The following AK5 variants were observed in gnomAD, a reference collection of about 807,000 sequenced individuals.
AK5 encodes the protein adenylate kinase isoenzyme 5.
A neutral mutation model predicts 69.5 loss-of-function variants in AK5; 27 were observed. That is an observed-to-expected ratio of 0.39 (90% confidence interval 0.29 to 0.54). The LOEUF is 0.54. Among genes scored for constraint, AK5 ranks in the 20% least tolerant of loss-of-function variants. AK5 has a pLI of 0.71. For synonymous variants in AK5, 260 were observed against 244.4 expected (o/e 1.06, Z -0.60); for missense variants, 531 against 700.4 (o/e 0.76, Z 2.73).
intron 8 of AK5, among the ~76,000 whole-genome samples, chr1:77,431,495 T>C (rs187832816): frequency 2.6e-5 from 4 of 152,222 alleles, no homozygotes; most frequent in African/African-American, 9.6e-5. Context: ...GAGCAAAGCA[T>C]TGGCAGAGTA....
chr1:77,504,053 A>G (rs1656883771), intron 10 of AK5, among the ~76,000 whole-genome samples: 1 of 152,210 alleles, frequency 6.6e-6, no homozygotes, highest in African/African-American at 2.4e-5. Flanking sequence ...TCATCCAATT[A>G]AAAACATGCA....
chr1:77,528,739 T>C (rs1658418610), intron 12 of AK5, among the ~76,000 whole-genome samples: 1 of 152,196 alleles, frequency 6.6e-6, no homozygotes, highest in African/African-American at 2.4e-5. Context: ...GCAGAAGGAA[T>C]ATGAGGGAGG....
chr1:77,456,083 G>A (rs1476558585), intron 8 of AK5, among the ~76,000 whole-genome samples: 2 of 152,210 alleles, frequency 1.3e-5, no homozygotes, highest in Non-Finnish European at 2.9e-5. Flanking sequence ...TTTCCATGCA[G>A]TTATTCAGCT....
At chr1:77,487,417 C>T (rs1179848032) in intron 10 of AK5, among the ~76,000 whole-genome samples, 1 of 152,158 alleles carries the variant, frequency 6.6e-6, no homozygotes, top group African/African-American at 2.4e-5. Flanking sequence ...AAACTTAGTA[C>T]TTTTTCCTCT....
chr1:77,292,121 T>C (rs547986203), intron 2 of AK5, among the ~76,000 whole-genome samples: 7 of 152,314 alleles, frequency 4.6e-5, no homozygotes, highest in African/African-American at 1.7e-4. Context: ...GAGAAGCATA[T>C]GCATTTGGTA....
chr1:77,292,895 T>C (rs1205194414), intron 2 of AK5, among the ~76,000 whole-genome samples: 1 of 152,218 alleles, frequency 6.6e-6, no homozygotes, highest in Non-Finnish European at 1.5e-5. Flanking sequence ...TCGTGGCTGG[T>C]GTTCATACAG....
chr1:77,435,904 C>T (rs768109779), intron 8 of AK5, among the ~76,000 whole-genome samples: 3 of 152,128 alleles, frequency 2.0e-5, no homozygotes, highest in Non-Finnish European at 2.9e-5. Flanking sequence ...AACTTGATTA[C>T]ACACACAAAA....
intron 3 of AK5, among the ~76,000 whole-genome samples, chr1:77,297,190 T>G (rs1229999777): frequency 6.6e-6 from 1 of 152,226 alleles, no homozygotes; most frequent in East Asian, 1.9e-4. Flanking sequence ...GTTATTTTGA[T>G]CATTGTTTTT....
At chr1:77,321,193 C>T (rs146558689) in intron 5 of AK5, among the ~76,000 whole-genome samples, 177 of 152,214 alleles carry the variant, frequency 1.2e-3, no homozygotes, top group Admixed American at 3.5e-3. Context: ...AAGTCTCGGC[C>T]GGGCGTGGTG....
intron 12 of AK5, among the ~76,000 whole-genome samples, chr1:77,531,832 CG>C (rs1658617512): frequency 7.4e-6 from 1 of 134,232 alleles, no homozygotes; most frequent in Admixed American, 7.7e-5. Flanking sequence ...AGGCTGGTGC[CG>C]CGCAGGAGAC....
intron 5 of AK5, among the ~76,000 whole-genome samples, chr1:77,335,239 T>A (rs1276365482): frequency 6.6e-6 from 1 of 152,202 alleles, no homozygotes; most frequent in Non-Finnish European, 1.5e-5. Context: ...AAGTAAAGGC[T>A]TTAAAAATGG....
chr1:77,283,180 C>T, intron 1 of AK5: 1 of 985,570 alleles, frequency 1.0e-6, no homozygotes, highest in Non-Finnish European at 1.2e-6. Context: ...AGGAATGAAC[C>T]TTGGTCTGTT....
At chr1:77,340,647 A>C (rs144565675) in intron 6 of AK5, 79 bp downstream of exon 6, 1 of 1,372,380 alleles carries the variant, frequency 7.3e-7, no homozygotes, top group East Asian at 2.4e-5. Context: ...CTCATGTAGA[A>C]ATCCTCTTTA....
chr1:77,422,791 A>G (rs866995406), intron 8 of AK5, among the ~76,000 whole-genome samples: 1 of 152,168 alleles, frequency 6.6e-6, no homozygotes, highest in South Asian at 2.1e-4. Flanking sequence ...TGCTCAATAA[A>G]TGCCCATTTG....
chr1:77,427,445 C>T (rs969062912), intron 8 of AK5, among the ~76,000 whole-genome samples: 1 of 152,022 alleles, frequency 6.6e-6, no homozygotes, highest in African/African-American at 2.4e-5. Flanking sequence ...CAAGAAGAAA[C>T]AAACTATCTG....
At chr1:77,423,199 C>G (rs550715452) in intron 8 of AK5, among the ~76,000 whole-genome samples, 1 of 117,060 alleles carries the variant, frequency 8.5e-6, no homozygotes, top group Non-Finnish European at 1.6e-5. Flanking sequence ...CCTGCCTGGG[C>G]AACAGAGCAA....
At chr1:77,350,599 C>G (rs968932653) in intron 6 of AK5, among the ~76,000 whole-genome samples, 8 of 152,182 alleles carry the variant, frequency 5.3e-5, no homozygotes, top group Non-Finnish European at 1.2e-4. Context: ...TAGTGACTGA[C>G]ACAAGGTTTT....
chr1:77,417,106 C>T (rs1311152092), intron 7 of AK5, among the ~76,000 whole-genome samples: 3 of 152,190 alleles, frequency 2.0e-5, no homozygotes, highest in Middle Eastern at 3.4e-3. Flanking sequence ...TAAGGTGACC[C>T]GAAGGCTTGA....
chr1:77,387,864 TA>T (rs1210147935), intron 6 of AK5, among the ~76,000 whole-genome samples: 1 of 152,162 alleles, frequency 6.6e-6, no homozygotes, highest in African/African-American at 2.4e-5. Context: ...GAAAAGCAAA[TA>T]ATCATCCTTT....
Sources: allele counts gnomAD v4.1 joint callset (sites outside exome capture counted in the v4.1 genomes callset), GRCh38; gene constraint gnomAD v4.1.1; transcripts MANE v1.5; gene names NCBI Gene and HGNC (gene_info 2026-07-23, HGNC 2026-07-21).